AEBP2: variants seen among roughly 807,000 people sequenced by gnomAD.
AEBP2 encodes the protein AE binding protein 2, also known as zinc finger protein AEBP2.
AEBP2 carries 10 observed loss-of-function variants against 50.8 expected under a neutral mutation model. That is an observed-to-expected ratio of 0.20 (90% confidence interval 0.12 to 0.33). AEBP2 has a LOEUF of 0.33. AEBP2 is among the 10% of genes least tolerant of loss of function. The probability of loss-of-function intolerance (pLI) is 1.00; values close to 1 mark genes in which losing one functional copy is unlikely to be tolerated. For synonymous variants in AEBP2, 296 were observed against 261.3 expected (o/e 1.13, Z -1.28); for missense variants, 570 against 688.0 (o/e 0.83, Z 1.92).
intron 1 of AEBP2, 32 bp from the exon 2 acceptor site, chr12:19,462,478 G>T: frequency 6.5e-7 from 1 of 1,532,602 alleles, no homozygotes. Flanking sequence ...TGAATTTCTA[G>T]GAATAACACA....
At position 19,520,639 on chromosome 12, in the gene AEBP2, G is replaced by T. The variant is rs1274271776; in HGVS notation, c.*2522G>T. The T allele has an allele frequency of 6.6e-6, 1 of 152,086 alleles. No homozygotes were observed. Among genetic ancestry groups the T allele is most frequent in the East Asian group, 1.9e-4 (1 of 5,188 alleles). The allele number at this position is 152,086 out of a possible 1,614,324, so 9.4% of individuals were successfully genotyped here. On this transcript the variant is annotated 3_prime_UTR_variant, in exon 8 of 8. Coordinates refer to ENST00000266508, the MANE Select transcript of AEBP2 (RefSeq NM_153207.5). ...CCTGAAATAATAAGTCTGTTGTCCA[G>T]AATTTATGTATTGTTCAGCATCAAG...
chr12:19,467,294 T>C (rs1286209043), intron 2 of AEBP2, among the ~76,000 whole-genome samples: 1 of 152,048 alleles, frequency 6.6e-6, no homozygotes, highest in African/African-American at 2.4e-5. Flanking sequence ...GAATCAAACC[T>C]ATCTCTAGTG....
At chr12:19,479,717 G>GGT (rs1948697902) in intron 3 of AEBP2, among the ~76,000 whole-genome samples, 1 of 22,314 alleles carries the variant, frequency 4.5e-5, no homozygotes, top group Non-Finnish European at 9.0e-5. Context: ...CTCTTTGTGG[G>GGT]TTTTTTTTTT....
At chr12:19,495,166 G>A (rs1053193533) in intron 4 of AEBP2, among the ~76,000 whole-genome samples, 1 of 152,156 alleles carries the variant, frequency 6.6e-6, no homozygotes, top group Non-Finnish European at 1.5e-5. Context: ...GCCTCCCAAA[G>A]TGCTGGGATT....
At chr12:19,423,850 TA>T (rs1300826560) in intron 1 of AEBP2, among the ~76,000 whole-genome samples, 2 of 151,648 alleles carry the variant, frequency 1.3e-5, no homozygotes, top group Non-Finnish European at 2.9e-5. Flanking sequence ...CAAAAACAAA[TA>T]AATAAATGAA....
chr12:19,413,873 G>T (rs959039558), intron 1 of AEBP2, among the ~76,000 whole-genome samples: 1 of 151,326 alleles, frequency 6.6e-6, no homozygotes, highest in Non-Finnish European at 1.5e-5. Flanking sequence ...ATTTTATCAA[G>T]GTTTTTTTTT....
At chr12:19,419,383 A>G (rs2095744369) in intron 1 of AEBP2, among the ~76,000 whole-genome samples, 1 of 152,002 alleles carries the variant, frequency 6.6e-6, no homozygotes, top group Non-Finnish European at 1.5e-5. Context: ...AGGTCAGGAA[A>G]TCGAGACCAT....
intron 3 of AEBP2, among the ~76,000 whole-genome samples, chr12:19,492,961 C>A (rs1371857114): frequency 6.6e-6 from 1 of 151,984 alleles, no homozygotes; most frequent in African/African-American, 2.4e-5. Context: ...GGGTGATAGA[C>A]TGAGACCCTG....
At chr12:19,462,295 G>A (rs1305360365) in intron 1 of AEBP2, among the ~76,000 whole-genome samples, 1 of 152,078 alleles carries the variant, frequency 6.6e-6, no homozygotes, top group African/African-American at 2.4e-5. Flanking sequence ...TTCCATTTCT[G>A]ATTTTGAGGT....
At chr12:19,484,339 C>T (rs1235024374) in intron 3 of AEBP2, among the ~76,000 whole-genome samples, 3 of 146,980 alleles carry the variant, frequency 2.0e-5, no homozygotes, top group African/African-American at 7.6e-5. Flanking sequence ...TTCTGGTGAT[C>T]CGCCTCCCCT....
At chr12:19,490,961 T>C (rs1220416292) in intron 3 of AEBP2, among the ~76,000 whole-genome samples, 1 of 152,206 alleles carries the variant, frequency 6.6e-6, no homozygotes, top group East Asian at 1.9e-4. Context: ...AAATGGTTAA[T>C]TTTGTGATGT....
intron 5 of AEBP2, among the ~76,000 whole-genome samples, chr12:19,501,750 G>A (rs1295299433): frequency 7.2e-6 from 1 of 138,120 alleles, no homozygotes; most frequent in Non-Finnish European, 1.6e-5. Context: ...TCAATATGTT[G>A]TTTGGTTTGA....
At chr12:19,471,379 A>T (rs1328870993) in intron 2 of AEBP2, among the ~76,000 whole-genome samples, 1 of 152,036 alleles carries the variant, frequency 6.6e-6, no homozygotes, top group Admixed American at 6.6e-5. Context: ...GGCCTTCCAA[A>T]GTGCTGGGGT....
intron 1 of AEBP2, among the ~76,000 whole-genome samples, chr12:19,447,166 A>G (rs1262231532): frequency 6.6e-6 from 1 of 152,234 alleles, no homozygotes; most frequent in Non-Finnish European, 1.5e-5. Context: ...GGTGCAAGTG[A>G]GGCCTTTCAT....
At chr12:19,451,727 G>C (rs1377579319) in intron 1 of AEBP2, among the ~76,000 whole-genome samples, 1 of 150,450 alleles carries the variant, frequency 6.6e-6, no homozygotes, top group Non-Finnish European at 1.5e-5. Flanking sequence ...CGCTTGCTGG[G>C]TTGCCCAGGC....
At chr12:19,514,611 A>G (rs1949292084) in intron 6 of AEBP2, 60 bp from the exon 7 acceptor site, 2 of 1,298,726 alleles carry the variant, frequency 1.5e-6, no homozygotes, top group Admixed American at 2.1e-5. Flanking sequence ...GTGAAGGCAC[A>G]TGGAAGTGTA....
upstream of AEBP2, among the ~76,000 whole-genome samples, chr12:19,437,982 G>A (rs1947877773): frequency 6.6e-6 from 1 of 152,206 alleles, no homozygotes; most frequent in East Asian, 1.9e-4. Context: ...AAATTGGCCT[G>A]AAAATGTGTC....
chr12:19,463,380 T>C (rs928697691), intron 2 of AEBP2, among the ~76,000 whole-genome samples: 2 of 152,236 alleles, frequency 1.3e-5, no homozygotes, highest in Admixed American at 6.5e-5. Context: ...GTTTCAACTT[T>C]ACCTAGAATT....
At chr12:19,432,112 C>T (rs2095751719) in intron 1 of AEBP2, among the ~76,000 whole-genome samples, 1 of 152,090 alleles carries the variant, frequency 6.6e-6, no homozygotes, top group African/African-American at 2.4e-5. Context: ...GAACAGAACT[C>T]ATTTTAGTGG....
Sources: allele counts gnomAD v4.1 joint callset (sites outside exome capture counted in the v4.1 genomes callset), GRCh38; gene constraint gnomAD v4.1.1; transcripts MANE v1.5; gene names NCBI Gene and HGNC (gene_info 2026-07-23, HGNC 2026-07-21).